The following OTUD7A variants were observed in gnomAD, a reference collection of about 807,000 sequenced individuals.
OTUD7A encodes OTU deubiquitinase 7A.
A neutral mutation model predicts 65.7 loss-of-function variants in OTUD7A; 12 were observed. The observed-to-expected ratio is 0.18, with a 90% CI of 0.12 to 0.30. OTUD7A has a LOEUF of 0.30. Among genes scored for constraint, OTUD7A ranks in the 10% least tolerant of loss-of-function variants. The pLI is 1.00. For synonymous variants in OTUD7A, 641 were observed against 586.3 expected (o/e 1.09, Z -1.35); for missense variants, 1,148 against 1,304.8 (o/e 0.88, Z 1.85).
chr15:31,791,743 C>G (rs955987082), intron 1 of OTUD7A, among the ~76,000 whole-genome samples: 3 of 152,114 alleles, frequency 2.0e-5, no homozygotes, highest in Non-Finnish European at 4.4e-5. Context: ...CCCCTCCCTC[C>G]TTCTGAAACA....
At chr15:31,604,588 A>G (rs1890182616) in intron 3 of OTUD7A, among the ~76,000 whole-genome samples, 1 of 145,568 alleles carries the variant, frequency 6.9e-6, no homozygotes, top group African/African-American at 2.5e-5. Flanking sequence ...TGTACCCCAG[A>G]GCTTAAAGTA....
intron 1 of OTUD7A, among the ~76,000 whole-genome samples, chr15:31,801,325 C>T (rs1595778998): frequency 6.6e-6 from 1 of 152,348 alleles, no homozygotes; most frequent in East Asian, 1.9e-4. Flanking sequence ...TAGCGGAACA[C>T]CAGGAACTGC....
intron 1 of OTUD7A, among the ~76,000 whole-genome samples, chr15:31,775,416 G>GA (rs1273841693): frequency 6.9e-6 from 1 of 145,278 alleles, no homozygotes. Context: ...TAAGAACAGA[G>GA]AAAAAAATAA....
intron 1 of OTUD7A, among the ~76,000 whole-genome samples, chr15:31,851,222 C>G (rs1318077512): frequency 6.6e-6 from 1 of 152,072 alleles, no homozygotes; most frequent in East Asian, 1.9e-4. Flanking sequence ...AAGGTAGATT[C>G]ATGAAGTGGA....
At chr15:31,610,205 T>C (rs1488245572) in intron 3 of OTUD7A, among the ~76,000 whole-genome samples, 1 of 152,084 alleles carries the variant, frequency 6.6e-6, no homozygotes, top group African/African-American at 2.4e-5. Flanking sequence ...AAAAGAGACA[T>C]GGAGGAGGGG....
chr15:31,741,423 G>A (rs1378682085), intron 1 of OTUD7A, among the ~76,000 whole-genome samples: 1 of 152,120 alleles, frequency 6.6e-6, no homozygotes, highest in Admixed American at 6.5e-5. Context: ...TTGGTTTGCT[G>A]CACCCCAGAA....
At chr15:31,687,122 C>T (rs1208139022) in intron 1 of OTUD7A, among the ~76,000 whole-genome samples, 7 of 143,040 alleles carry the variant, frequency 4.9e-5, no homozygotes, top group African/African-American at 1.8e-4. Context: ...AAAAAAAAAC[C>T]ACACATAATC....
chr15:31,605,109 G>C (rs1846672321), intron 3 of OTUD7A, among the ~76,000 whole-genome samples: 1 of 152,192 alleles, frequency 6.6e-6, no homozygotes, highest in South Asian at 2.1e-4. Flanking sequence ...ATTTTAGTTT[G>C]CTTTTGATGA....
At chr15:31,761,913 T>C (rs1374694769) in intron 1 of OTUD7A, among the ~76,000 whole-genome samples, 1 of 152,170 alleles carries the variant, frequency 6.6e-6, no homozygotes, top group Admixed American at 6.5e-5. Context: ...AAAGATAATA[T>C]ATTATATGAT....
intron 1 of OTUD7A, among the ~76,000 whole-genome samples, chr15:31,824,262 C>T (rs951136788): frequency 3.3e-5 from 5 of 152,224 alleles, no homozygotes; most frequent in Non-Finnish European, 5.9e-5. Flanking sequence ...CTCAGAGAGG[C>T]CTTCCTGAGC....
At chr15:31,524,140 G>GTT (rs553283780) in intron 8 of OTUD7A, among the ~76,000 whole-genome samples, 21 of 147,254 alleles carry the variant, frequency 1.4e-4, no homozygotes, top group Middle Eastern at 3.5e-3. Context: ...TGAGTTTTTT[G>GTT]TTTTTTTTTT....
intron 8 of OTUD7A, among the ~76,000 whole-genome samples, chr15:31,518,244 C>T (rs1353959947): frequency 1.3e-5 from 2 of 151,990 alleles, no homozygotes; most frequent in Admixed American, 6.5e-5. Flanking sequence ...GAGGCCGAGG[C>T]GGGTGGATCA....
intron 3 of OTUD7A, among the ~76,000 whole-genome samples, chr15:31,597,100 C>T (rs1889928012): frequency 6.6e-6 from 1 of 151,192 alleles, no homozygotes; most frequent in African/African-American, 2.4e-5. Context: ...AGTTTTTTTT[C>T]TTTTTTTTGT....
intron 3 of OTUD7A, among the ~76,000 whole-genome samples, chr15:31,641,806 A>C (rs553516731): frequency 2.0e-5 from 3 of 152,200 alleles, no homozygotes; most frequent in Non-Finnish European, 4.4e-5. Context: ...GTTCCAAAAA[A>C]TGCTTTTAAA....
intron 1 of OTUD7A, among the ~76,000 whole-genome samples, chr15:31,819,334 G>T (rs566835450): frequency 6.6e-6 from 1 of 152,264 alleles, no homozygotes; most frequent in South Asian, 2.1e-4. Context: ...GCTCAAGAAG[G>T]CTGCAAATAA....
At chr15:31,619,964 T>C (rs1890724685) in intron 3 of OTUD7A, among the ~76,000 whole-genome samples, 1 of 152,166 alleles carries the variant, frequency 6.6e-6, no homozygotes, top group Admixed American at 6.5e-5. Flanking sequence ...TTATTGAGAG[T>C]TTTTAGCATC....
At chr15:31,510,397 C>T (rs1219269352) in intron 8 of OTUD7A, among the ~76,000 whole-genome samples, 1 of 150,916 alleles carries the variant, frequency 6.6e-6, no homozygotes, top group African/African-American at 2.4e-5. Context: ...TTCCCCTTCC[C>T]CTAGAGGAGC....
At chr15:31,672,200 T>C (rs1044099567) in intron 1 of OTUD7A, among the ~76,000 whole-genome samples, 27 of 152,332 alleles carry the variant, frequency 1.8e-4, no homozygotes, top group African/African-American at 6.0e-4. Context: ...GGCCATTCGA[T>C]ATCTGAAGGT....
At chr15:31,865,320 G>A (rs540098051) in intron 1 of OTUD7A, among the ~76,000 whole-genome samples, 2 of 152,318 alleles carry the variant, frequency 1.3e-5, no homozygotes, top group African/African-American at 2.4e-5. Context: ...CATCATTAGA[G>A]GAATTGTGAG....
Sources: gnomAD v4.1 joint callset for allele counts (sites outside exome capture counted in the v4.1 genomes callset) on GRCh38, gnomAD v4.1.1 for gene constraint, MANE v1.5 for transcripts, NCBI Gene and HGNC (gene_info 2026-07-23, HGNC 2026-07-21) for gene names.